Variants in DNAJC13 observed in about 807,000 individuals in gnomAD.
The protein encoded by DNAJC13 is DnaJ heat shock protein family (Hsp40) member C13, also known as dnaJ homolog subfamily C member 13.
A neutral mutation model predicts 290.5 loss-of-function variants in DNAJC13; 75 were observed. The observed-to-expected ratio is 0.26, with a 90% CI of 0.21 to 0.31. DNAJC13 has a LOEUF of 0.31. Ranked by LOEUF, DNAJC13 falls within the 10% of genes least tolerant of loss-of-function variation. The probability of loss-of-function intolerance (pLI) is 1.00; values close to 1 mark genes in which losing one functional copy is unlikely to be tolerated. For missense variants in DNAJC13, 2,260 were observed against 2,674.5 expected (o/e 0.85, Z 3.42); for synonymous variants, 862 against 892.0 (o/e 0.97, Z 0.60).
intron 38 of DNAJC13, among the ~76,000 whole-genome samples, chr3:132,500,105 T>C (rs1352316607): frequency 1.3e-5 from 2 of 152,370 alleles, no homozygotes; most frequent in Admixed American, 1.3e-4. Flanking sequence ...TGAACCCATA[T>C]GTTTCCATTA....
intron 1 of DNAJC13, among the ~76,000 whole-genome samples, chr3:132,431,048 C>T (rs1939226115): frequency 6.6e-6 from 1 of 152,180 alleles, no homozygotes; most frequent in Admixed American, 6.5e-5. Flanking sequence ...TTTTTCAAAG[C>T]ATGAATTGCT....
At chr3:132,462,902 A>G (rs1933848574) in intron 16 of DNAJC13, among the ~76,000 whole-genome samples, 2 of 152,224 alleles carry the variant, frequency 1.3e-5, no homozygotes, top group South Asian at 4.1e-4. Flanking sequence ...AAATGATACC[A>G]AGTAAGAAAG....
chr3:132,472,467 A>T (rs1161804380), intron 20 of DNAJC13: 1 of 699,292 alleles, frequency 1.4e-6, no homozygotes, highest in Non-Finnish European at 1.8e-6. Flanking sequence ...ATAATTTTGT[A>T]TTGATGTGTA....
chr3:132,438,933 T>A (rs962909705), intron 2 of DNAJC13, among the ~76,000 whole-genome samples: 5 of 152,190 alleles, frequency 3.3e-5, no homozygotes, highest in Non-Finnish European at 7.3e-5. Flanking sequence ...AGGAGAAAAA[T>A]TTCTGTTTTG....
rs1935864899 is a variant in DNAJC13 at position 132,514,498 on chromosome 3, T to A, written c.5386-73T>A. The A allele has an allele frequency of 3.8e-6, 4 of 1,039,700 alleles. No individual in the cohort carries two copies. The East Asian group carries it at 1.0e-4, about 26-fold the overall frequency. The allele number at this position is 1,039,700 out of a possible 1,614,324, so 64.4% of individuals were successfully genotyped here. ...CCAAACATTTGTCTCACTTGTACAGTCTATATGACCTAATTTGATTTAGGT... is the reference window on the plus strand; with the variant it reads ...CCAAACATTTGTCTCACTTGTACAGACTATATGACCTAATTTGATTTAGGT... On this transcript the variant is annotated intron_variant, in intron 45 of 55. Coordinates refer to ENST00000260818, the MANE Select transcript of DNAJC13 (RefSeq NM_015268.4).
At chr3:132,448,510 C>A (rs985917909) in intron 5 of DNAJC13, among the ~76,000 whole-genome samples, 1 of 152,132 alleles carries the variant, frequency 6.6e-6, no homozygotes, top group African/African-American at 2.4e-5. Flanking sequence ...AAATCAGAGA[C>A]TTCTGGGAAA....
intron 51 of DNAJC13, among the ~76,000 whole-genome samples, chr3:132,524,249 A>G (rs1218590624): frequency 6.6e-6 from 1 of 152,260 alleles, no homozygotes; most frequent in Non-Finnish European, 1.5e-5. Flanking sequence ...GTGATAGTAT[A>G]TAAGATTTTG....
intron 48 of DNAJC13, among the ~76,000 whole-genome samples, chr3:132,522,573 T>A (rs1488298791): frequency 6.6e-6 from 1 of 152,126 alleles, no homozygotes; most frequent in Non-Finnish European, 1.5e-5. Context: ...TGAAACTTTT[T>A]TGGTCACCAT....
At chr3:132,474,248 T>G (rs1414796318) in intron 21 of DNAJC13, 1 of 152,298 alleles carries the variant, frequency 6.6e-6, no homozygotes, top group East Asian at 1.9e-4. Flanking sequence ...TTTGTTTGTT[T>G]TTTGTTTTTT....
intron 16 of DNAJC13, among the ~76,000 whole-genome samples, chr3:132,463,320 C>T (rs1224753373): frequency 1.3e-5 from 2 of 152,210 alleles, no homozygotes; most frequent in African/African-American, 4.8e-5. Flanking sequence ...AATTTTCTCC[C>T]TTTAGCTAAT....
intron 48 of DNAJC13, among the ~76,000 whole-genome samples, chr3:132,518,054 T>A (rs1275517407): frequency 6.6e-6 from 1 of 151,956 alleles, no homozygotes; most frequent in African/African-American, 2.4e-5. Context: ...TTTTCTTTAT[T>A]AATTTTTTTT....
At position 132,471,575 on chromosome 3, in the gene DNAJC13, G is replaced by A. The variant is rs1470208545; in HGVS notation, c.2209-1570G>A. 5.4e-4 allele frequency among the ~76,000 whole-genome samples: 75 copies of A among 139,968 alleles called. 2 individuals are homozygous for A. The Middle Eastern group carries it at 0.011, about 20-fold the overall frequency. 91.8% of individuals were successfully genotyped at this position (139,968 alleles called of 152,430 possible). A position where few individuals can be genotyped will look rare whatever the true frequency, so the allele number is the denominator to read the frequency against. On this transcript the variant is annotated intron_variant, in intron 20 of 55. Coordinates refer to ENST00000260818, the MANE Select transcript of DNAJC13 (RefSeq NM_015268.4). Reference sequence around the variant, plus strand: ...CTCCTCACCTCCCAGATGGGGTCTCGGCCGGGCAGAGGCACTCCTCACATC... The same window carrying A: ...CTCCTCACCTCCCAGATGGGGTCTCAGCCGGGCAGAGGCACTCCTCACATC...
intron 5 of DNAJC13, among the ~76,000 whole-genome samples, chr3:132,449,542 A>T (rs1933357991): frequency 6.6e-6 from 1 of 152,076 alleles, no homozygotes; most frequent in South Asian, 2.1e-4. Flanking sequence ...CTGTCTGCAT[A>T]ATTACTTTTA....
chr3:132,459,518 C>A (rs1933722948), intron 13 of DNAJC13, among the ~76,000 whole-genome samples: 1 of 151,960 alleles, frequency 6.6e-6, no homozygotes, highest in African/African-American at 2.4e-5. Flanking sequence ...GGTTGCCCAA[C>A]AATGTGAATG....
In DNAJC13 at chr3:132,463,690, C is replaced by T. The variant is rs773356000; in HGVS notation, c.1771-6C>T. On this transcript the variant is annotated splice_region_variant and splice_polypyrimidine_tract_variant and intron_variant, in intron 16 of 55. Transcript: ENST00000260818. ...CCTTAGGGATCATCTTACCCTTTTT[C>T]CAAAGGAAGGTGATAAAGAAATTGC... The T allele has an allele frequency of 1.9e-6, 3 of 1,607,462 alleles. No homozygotes were observed. The highest frequency in any genetic ancestry group is 2.5e-6 in the Non-Finnish European group (3 of 1,177,226).
Position 132,526,188 on chromosome 3 carries a change from G to A in DNAJC13, c.6288G>A (p.Met2096Ile). The A allele has an allele frequency of 6.2e-7, 1 of 1,614,128 alleles. No homozygotes were observed. The highest frequency in any genetic ancestry group is 8.5e-7 in the Non-Finnish European group (1 of 1,179,998). Residue 2096 changes from methionine (M) to isoleucine (I), a missense_variant, in exon 53 of 56, where the codon ATG becomes ATA. By Grantham distance (10) the Met-to-Ile change is conservative (BLOSUM62 1). Transcript: ENST00000260818. ...CTTTAGAGACCATTGGCCCACTGAT[G>A]AATGGAATGAAAAAGCGAGCAGATA... is the stretch of plus-strand genomic sequence containing the variant. The part of the protein sequence containing the change: ...MASLETIGPL[M>I]NGMKKRADTV...
At chr3:132,526,035 AAAGT>A (rs1198492179) in intron 52 of DNAJC13, 102 bp from the exon 53 acceptor site, 36 of 1,435,894 alleles carry the variant, frequency 2.5e-5, no homozygotes, top group Non-Finnish European at 3.2e-5. Flanking sequence ...TGTTAAACTG[AAAGT>A]AAGGGATTCT....
intron 27 of DNAJC13, among the ~76,000 whole-genome samples, chr3:132,482,907 A>G (rs1473728474): frequency 6.6e-6 from 1 of 152,096 alleles, no homozygotes; most frequent in African/African-American, 2.4e-5. Flanking sequence ...GTCAAACTAT[A>G]ATGTTTCTAT....
chr3:132,533,563 T>C (rs576140046), intron 55 of DNAJC13, among the ~76,000 whole-genome samples: 167 of 152,068 alleles, frequency 1.1e-3, no homozygotes, highest in Non-Finnish European at 2.0e-3. Flanking sequence ...CTCGGACTCC[T>C]GACCTCAAAT....
Sources: allele counts gnomAD v4.1 joint callset (sites outside exome capture counted in the v4.1 genomes callset), GRCh38; gene constraint gnomAD v4.1.1; transcripts MANE v1.5; gene names NCBI Gene and HGNC (gene_info 2026-07-23, HGNC 2026-07-21).